Variants in TRHDE observed in about 807,000 individuals in gnomAD.
TRHDE encodes thyrotropin releasing hormone degrading enzyme.
Under a neutral mutation model 125.7 loss-of-function variants are expected in TRHDE, and 72 were observed. The ratio of observed to expected loss-of-function variants is 0.57; its 90% confidence interval spans 0.47 to 0.70. The LOEUF (loss-of-function observed/expected upper bound fraction) is 0.70, where lower values mean the gene tolerates loss of function less well. Among genes scored for constraint, TRHDE ranks in the 30% least tolerant of loss-of-function variants. The pLI is 0.00. For missense variants in TRHDE, 1,110 were observed against 1,327.1 expected (o/e 0.84, Z 2.54); for synonymous variants, 509 against 509.1 (o/e 1.00, Z 0.00).
At position 72,663,285 on chromosome 12, in the gene TRHDE, A is replaced by C. The variant is rs887365224; in HGVS notation, c.*90A>C. On this transcript the variant is annotated 3_prime_UTR_variant, in exon 19 of 19. Coordinates refer to ENST00000261180, the MANE Select transcript of TRHDE (RefSeq NM_013381.3). Reference sequence around the variant, plus strand: ...ATGAGGAAAATGTACTACCTAGAAAATGGCCAGATTTTCAGTGTTAACGTG... The same window carrying C: ...ATGAGGAAAATGTACTACCTAGAAACTGGCCAGATTTTCAGTGTTAACGTG... The C allele has an allele frequency of 1.3e-5, 15 of 1,112,260 alleles. No homozygotes were observed. Among genetic ancestry groups the C allele is most frequent in the Admixed American group, 3.4e-5 (1 of 29,418 alleles). The allele number at this position is 1,112,260 out of a possible 1,614,324, so 68.9% of individuals were successfully genotyped here.
chr12:72,618,313 A>G, intron 12 of TRHDE, among the ~76,000 whole-genome samples: 1 of 152,240 alleles, frequency 6.6e-6, no homozygotes, highest in Admixed American at 6.5e-5. Context: ...TTCTTTTAAC[A>G]TTTTTGTAAT....
At chr12:72,271,168 G>T (rs1046290376), upstream of TRHDE, among the ~76,000 whole-genome samples, 4 of 152,194 alleles carry the variant, frequency 2.6e-5, no homozygotes, top group Non-Finnish European at 1.5e-5. Flanking sequence ...ACATCACCTT[G>T]CTTTGGCCTT....
At chr12:72,313,970 T>A (rs1274377239) in intron 2 of TRHDE, among the ~76,000 whole-genome samples, 1 of 152,160 alleles carries the variant, frequency 6.6e-6, no homozygotes, top group Non-Finnish European at 1.5e-5. Context: ...TTGCTTTGCA[T>A]CACTCCCACA....
At chr12:72,291,036 C>A (rs1015661185) in intron 2 of TRHDE, among the ~76,000 whole-genome samples, 1 of 152,190 alleles carries the variant, frequency 6.6e-6, no homozygotes, top group African/African-American at 2.4e-5. Flanking sequence ...TGCCTGCAGA[C>A]TATTTATATT....
At chr12:72,094,097 C>T (rs981083204) in intron 1 of TRHDE, among the ~76,000 whole-genome samples, 2 of 152,160 alleles carry the variant, frequency 1.3e-5, no homozygotes, top group South Asian at 2.1e-4. Flanking sequence ...GGTTGGTGAG[C>T]CTCTTATCAG....
At chr12:72,662,870 T>TATGGTGGGCGTCTGTAGTCCCAGCTA (rs1565827281) in intron 18 of TRHDE, among the ~76,000 whole-genome samples, 182 bp from the exon 19 acceptor site, 2 of 150,284 alleles carry the variant, frequency 1.3e-5, no homozygotes, top group African/African-American at 5.0e-5. Context: ...ACATAATCTG[T>TATGGTGGGCGTCTGTAGTCCCAGCTA]CATATTTCAT....
At chr12:72,342,972 G>A (rs539864023) in intron 2 of TRHDE, among the ~76,000 whole-genome samples, 2 of 152,242 alleles carry the variant, frequency 1.3e-5, no homozygotes, top group South Asian at 4.1e-4. Flanking sequence ...GTCCTATGAG[G>A]TGGGTCCTGT....
chr12:72,603,135 A>C lies in TRHDE; in HGVS notation c.2322-15756A>C, dbSNP rs935153901. 2.6e-5 allele frequency among the ~76,000 whole-genome samples: 4 copies of C among 152,212 alleles called. No homozygotes were observed. The East Asian group carries it at 7.7e-4, about 29-fold the overall frequency. On this transcript the variant is annotated intron_variant, in intron 12 of 18. Coordinates refer to ENST00000261180, the MANE Select transcript of TRHDE (RefSeq NM_013381.3). Reference sequence around the variant, plus strand: ...CATGCAAAAGAATAAAGAAGAGATAAGGAAACAAAAAGAATGAAAGTGATC... The same window carrying C: ...CATGCAAAAGAATAAAGAAGAGATACGGAAACAAAAAGAATGAAAGTGATC...
intron 2 of TRHDE, among the ~76,000 whole-genome samples, chr12:72,185,662 G>A (rs1246831622): frequency 6.6e-6 from 1 of 150,722 alleles, no homozygotes; most frequent in African/African-American, 2.5e-5. Context: ...TTTATGTCTA[G>A]CTCAGGGATT....
chr12:72,185,431 G>A (rs1019075157), intron 2 of TRHDE, among the ~76,000 whole-genome samples: 2 of 152,276 alleles, frequency 1.3e-5, no homozygotes, highest in African/African-American at 4.8e-5. Flanking sequence ...AGGAATGCGA[G>A]CGCACGGCGC....
chr12:72,575,565 C>T, intron 12 of TRHDE, 23 bp downstream of exon 12: 1 of 1,611,398 alleles, frequency 6.2e-7, no homozygotes, highest in East Asian at 2.2e-5. Context: ...GTGGATCTCC[C>T]CAATAAAAAC....
At position 72,473,098 on chromosome 12, in the gene TRHDE, G is replaced by T; in HGVS notation, c.1502G>T (p.Trp501Leu). Residue 501 changes from tryptophan to leucine, a missense_variant, in exon 5 of 19, where the codon TGG becomes TTG. Coordinates refer to ENST00000261180, the MANE Select transcript of TRHDE (RefSeq NM_013381.3). ...WFGDLVTPVW[W>L]EDVWLKEGFA... ...GGTGACCTTGTGACGCCTGTGTGGT[G>T]GGAAGACGTGTGGCTGAAGGAAGGG... 1 of 1,613,966 alleles carries T rather than the reference G, an allele frequency of 6.2e-7. No individual in the cohort carries two copies. The highest frequency in any genetic ancestry group is 8.5e-7 in the Non-Finnish European group (1 of 1,179,906).
At chr12:72,184,522 C>A (rs916386702) in intron 2 of TRHDE, among the ~76,000 whole-genome samples, 37 of 152,088 alleles carry the variant, frequency 2.4e-4, no homozygotes, top group African/African-American at 8.7e-4. Flanking sequence ...TAACTCTCTT[C>A]CTTTCTCTCT....
intron 2 of TRHDE, among the ~76,000 whole-genome samples, chr12:72,321,556 G>T (rs930568663): frequency 6.6e-6 from 1 of 152,122 alleles, no homozygotes; most frequent in Admixed American, 6.6e-5. Flanking sequence ...ATCTAAGGAA[G>T]AAGACATTTG....
chr12:72,277,587 T>A (rs556637206), intron 1 of TRHDE, among the ~76,000 whole-genome samples: 1 of 152,274 alleles, frequency 6.6e-6, no homozygotes, highest in East Asian at 1.9e-4. Flanking sequence ...TGTTTTTGTG[T>A]CAGGCTCACA....
chr12:72,497,775 T>A lies in TRHDE; in HGVS notation c.1585-1723T>A, dbSNP rs190965053. Among the ~76,000 whole-genome samples, 6 of 152,298 alleles carry A rather than the reference T, an allele frequency of 3.9e-5. No homozygotes were observed. The East Asian group carries it at 1.2e-3, about 29-fold the overall frequency. On this transcript the variant is annotated intron_variant, in intron 5 of 18. Transcript: ENST00000261180. The stretch of plus-strand genomic sequence containing the variant: ...ATTGATACATAATTTTTTCTTATTC[T>A]CTAAGACTATGCTATTTTTCTGAGA...
At chr12:72,221,500 A>G (rs1877999610) in intron 2 of TRHDE, among the ~76,000 whole-genome samples, 1 of 152,070 alleles carries the variant, frequency 6.6e-6, no homozygotes, top group Non-Finnish European at 1.5e-5. Context: ...TGAAATGGCA[A>G]TTCAGGATGA....
intron 1 of TRHDE, among the ~76,000 whole-genome samples, chr12:72,104,035 G>A (rs1269991975): frequency 2.6e-5 from 4 of 152,068 alleles, no homozygotes; most frequent in African/African-American, 9.7e-5. Context: ...CTGGAGGAGT[G>A]GTTTTCTGGA....
intron 2 of TRHDE, among the ~76,000 whole-genome samples, chr12:72,359,170 C>G (rs545403124): frequency 3.1e-5 from 4 of 127,490 alleles, no homozygotes; most frequent in African/African-American, 1.2e-4. Flanking sequence ...ATTACCTTAA[C>G]AGATCACAAG....
Sources: allele counts gnomAD v4.1 joint callset (sites outside exome capture counted in the v4.1 genomes callset), GRCh38; gene constraint gnomAD v4.1.1; transcripts MANE v1.5; gene names NCBI Gene and HGNC (gene_info 2026-07-23, HGNC 2026-07-21).